MED13L: variants seen among roughly 807,000 people sequenced by gnomAD.
MED13L encodes the protein mediator of RNA polymerase II transcription subunit 13-like.
Under a neutral mutation model 220.9 loss-of-function variants are expected in MED13L, and 7 were observed. That is an observed-to-expected ratio of 0.03 (90% CI 0.02 to 0.06). The LOEUF is 0.06. Ranked by LOEUF, MED13L falls within the 10% of genes least tolerant of loss-of-function variation. The pLI, the probability that MED13L is intolerant of heterozygous loss-of-function variation, is 1.00. For synonymous variants in MED13L, 1,011 were observed against 1,015.2 expected (o/e 1.00, Z 0.08); for missense variants, 1,965 against 2,760.5 (o/e 0.71, Z 6.46).
chr12:116,207,597 A>C (rs1284143937), intron 2 of MED13L, among the ~76,000 whole-genome samples: 1 of 152,188 alleles, frequency 6.6e-6, no homozygotes, highest in Non-Finnish European at 1.5e-5. Context: ...TTGTTATTCT[A>C]AGAGTGCTGT....
chr12:116,051,491 C>T (rs1868507711), intron 4 of MED13L, among the ~76,000 whole-genome samples: 1 of 152,254 alleles, frequency 6.6e-6, no homozygotes, highest in South Asian at 2.1e-4. Flanking sequence ...AGATCATATG[C>T]AAACAGCAAT....
chr12:116,047,124 G>C (rs1459172118), intron 4 of MED13L, among the ~76,000 whole-genome samples: 1 of 152,218 alleles, frequency 6.6e-6, no homozygotes, highest in Non-Finnish European at 1.5e-5. Context: ...CCAAAGCGGG[G>C]AGATTGCTTG....
intron 2 of MED13L, among the ~76,000 whole-genome samples, chr12:116,139,636 T>G (rs1373239610): frequency 6.6e-6 from 1 of 152,188 alleles, no homozygotes; most frequent in Non-Finnish European, 1.5e-5. Context: ...GTCGTTTATC[T>G]CTTTTGTCGC....
intron 2 of MED13L, among the ~76,000 whole-genome samples, chr12:116,129,890 CAG>C (rs1460067759): frequency 2.1e-4 from 30 of 139,578 alleles, no homozygotes; most frequent in Admixed American, 5.3e-4. Context: ...GCCTGGGCAA[CAG>C]AGTGAGACTC....
intron 4 of MED13L, among the ~76,000 whole-genome samples, chr12:116,023,770 T>C (rs933757018): frequency 6.6e-6 from 1 of 152,192 alleles, no homozygotes; most frequent in African/African-American, 2.4e-5. Flanking sequence ...AAATTCAAGA[T>C]AGTGACTACA....
At position 116,194,060 on chromosome 12, in the gene MED13L, C is replaced by T. The variant is rs77776992; in HGVS notation, c.310+43408G>A. Among the ~76,000 whole-genome samples, 1,172 of 152,224 alleles carry T rather than the reference C, an allele frequency of 7.7e-3. 43 individuals are homozygous for T. In the East Asian group the frequency reaches 0.079, roughly 10 times the overall value. On this transcript the variant is annotated intron_variant, in intron 2 of 30. Transcript: ENST00000281928. ...ACTCAATCAGAATATTTCCTATCTC[C>T]AATTTTTAAAGATGTAGATGTAAAT...
At chr12:116,242,641 A>G (rs908253263) in intron 1 of MED13L, among the ~76,000 whole-genome samples, 2 of 152,224 alleles carry the variant, frequency 1.3e-5, no homozygotes, top group Non-Finnish European at 2.9e-5. Context: ...ACTTACTACC[A>G]GGCACCATAC....
At chr12:115,969,742 T>G (rs1876450098) in intron 27 of MED13L, among the ~76,000 whole-genome samples, 1 of 152,096 alleles carries the variant, frequency 6.6e-6, no homozygotes, top group Non-Finnish European at 1.5e-5. Flanking sequence ...CAGGCTAGTC[T>G]CAAATTCCTG....
At chr12:116,041,470 A>G (rs1270642353) in intron 4 of MED13L, among the ~76,000 whole-genome samples, 2 of 152,202 alleles carry the variant, frequency 1.3e-5, no homozygotes, top group Non-Finnish European at 2.9e-5. Flanking sequence ...GTTCTACTAC[A>G]GCTCTGTGCT....
At position 115,992,723 on chromosome 12, in the gene MED13L, G is replaced by T. The variant is rs567478748; in HGVS notation, c.2997-766C>A. On this transcript the variant is annotated intron_variant, in intron 16 of 30. Transcript: ENST00000281928. ...TTCCAGCTTCCAGCAGCTTTCTGTGGGGTGGTAAGCACTTCATTTTTCACT... is the reference window on the plus strand; with the variant it reads ...TTCCAGCTTCCAGCAGCTTTCTGTGTGGTGGTAAGCACTTCATTTTTCACT... Among the ~76,000 whole-genome samples the T allele has an allele frequency of 6.8e-4, 104 of 152,238 alleles. 1 individual carries two copies. In the Middle Eastern group the frequency reaches 0.01, roughly 15 times the overall value.
At chr12:116,144,818 C>T (rs921509357) in intron 2 of MED13L, among the ~76,000 whole-genome samples, 1 of 152,220 alleles carries the variant, frequency 6.6e-6, no homozygotes, top group Non-Finnish European at 1.5e-5. Flanking sequence ...GGCTGCTGTA[C>T]ATTACCGTAT....
rs1381733331 is a variant in MED13L at position 116,277,284 on chromosome 12, G to T, written c.-153C>A. The T allele has an allele frequency of 6.1e-6, 1 of 164,960 alleles. No individual in the cohort carries two copies. Among genetic ancestry groups the T allele is most frequent in the Non-Finnish European group, 1.2e-5 (1 of 83,090 alleles). The allele number at this position is 164,960 out of a possible 1,614,324, so 10.2% of individuals were successfully genotyped here. A position where few individuals can be genotyped will look rare whatever the true frequency, so the allele number is the denominator to read the frequency against. ...GGGCGCGAGGGCCGGCGGGCAGGCG[G>T]GAGGCGCCGCGGCGACGCCGCGCCG... On this transcript the variant is annotated 5_prime_UTR_variant, in exon 1 of 31. Coordinates refer to ENST00000281928, the MANE Select transcript of MED13L (RefSeq NM_015335.5).
chr12:115,993,804 T>G (rs1329781302), intron 16 of MED13L, among the ~76,000 whole-genome samples: 1 of 152,166 alleles, frequency 6.6e-6, no homozygotes, highest in Non-Finnish European at 1.5e-5. Context: ...TTTTCCCATT[T>G]AATAAAAATG....
chr12:116,240,143 C>T (rs1459102911), intron 1 of MED13L, among the ~76,000 whole-genome samples: 1 of 151,668 alleles, frequency 6.6e-6, no homozygotes, highest in African/African-American at 2.4e-5. Context: ...GATGGAGCCT[C>T]GCTCTGTCAC....
chr12:116,009,303 A>G (rs996434824), intron 9 of MED13L, among the ~76,000 whole-genome samples, 171 bp from the exon 10 acceptor site: 1 of 152,228 alleles, frequency 6.6e-6, no homozygotes, highest in Non-Finnish European at 1.5e-5. Flanking sequence ...TGAAAAATGA[A>G]GAATCAATCA....
At chr12:115,981,757 T>C (rs1312245857) in intron 22 of MED13L, 1 of 152,448 alleles carries the variant, frequency 6.6e-6, no homozygotes, top group African/African-American at 2.4e-5. Flanking sequence ...TTGTAAGAAT[T>C]TAAATAATAT....
chr12:116,092,518 G>A (rs1235585563), intron 4 of MED13L, among the ~76,000 whole-genome samples: 1 of 152,120 alleles, frequency 6.6e-6, no homozygotes, highest in Admixed American at 6.5e-5. Context: ...AATAAGGAAA[G>A]GAAGGGAAAG....
chr12:116,120,759 C>G (rs978827440), intron 2 of MED13L, among the ~76,000 whole-genome samples: 1 of 152,008 alleles, frequency 6.6e-6, no homozygotes, highest in African/African-American at 2.4e-5. Flanking sequence ...TTCTTTTGAT[C>G]TTTCCAGTTT....
intron 1 of MED13L, chr12:116,276,791 A>G: frequency 8.0e-7 from 1 of 1,247,672 alleles, no homozygotes; most frequent in Non-Finnish European, 1.1e-6. Context: ...TGCGACCCAG[A>G]ATCCGCAGCT....
Sources: allele counts gnomAD v4.1 joint callset (sites outside exome capture counted in the v4.1 genomes callset), GRCh38; gene constraint gnomAD v4.1.1; transcripts MANE v1.5; gene names NCBI Gene and HGNC (gene_info 2026-07-23, HGNC 2026-07-21).